Variants in NUP62 observed in about 807,000 individuals in gnomAD.
NUP62 encodes the protein nucleoporin 62.
For synonymous variants in NUP62, 305 were observed against 303.4 expected (o/e 1.01, Z -0.05); for missense variants, 647 against 689.4 (o/e 0.94, Z 0.69).
At chr19:49,918,078 CTT>C (rs559266842) in intron 2 of NUP62, among the ~76,000 whole-genome samples, 5 of 132,596 alleles carry the variant, frequency 3.8e-5, no homozygotes, top group Admixed American at 7.5e-5. Context: ...TTTCCTTTTT[CTT>C]TTTTTTTTTT....
In NUP62 at chr19:49,916,549, G is replaced by A. The variant is rs576238014; in HGVS notation, c.-77-6665C>T. 3.3e-5 allele frequency among the ~76,000 whole-genome samples: 5 copies of A among 152,040 alleles called. No individual in the cohort carries two copies. In the South Asian group the frequency reaches 6.2e-4, roughly 19 times the overall value. On this transcript the variant is annotated intron_variant, in intron 2 of 2. Coordinates refer to ENST00000352066, the MANE Select transcript of NUP62 (RefSeq NM_016553.5). ...AGCACTTTGGAAGGCCGAGGCGGGC[G>A]GATCACTAGGTCAGGAGATCCAGAC...
chr19:49,924,532 G>A (rs1003316780), intron 2 of NUP62, among the ~76,000 whole-genome samples: 2 of 152,084 alleles, frequency 1.3e-5, no homozygotes, highest in Non-Finnish European at 2.9e-5. Flanking sequence ...AGGCCCCTCC[G>A]CACCGAAAAA....
Position 49,921,714 on chromosome 19 carries a change from C to T in NUP62, c.-78+5980G>A, listed in dbSNP as rs2075769400. On this transcript the variant is annotated intron_variant, in intron 2 of 2. Transcript: ENST00000352066. This position sits in a 1 kb window ranked among gnomAD's most constrained non-coding sequence, Gnocchi z 5.4. ...GGGGCACCTAGGGAGCCTAGGGGTC[C>T]CGTGAGGCCCTCCCACCATGGTTCC... Among the ~76,000 whole-genome samples, 1 of 152,166 alleles carries T rather than the reference C, an allele frequency of 6.6e-6. No individual in the cohort carries two copies. The highest frequency in any genetic ancestry group is 2.4e-5 in the African/African-American group (1 of 41,430).
intron 2 of NUP62, among the ~76,000 whole-genome samples, chr19:49,924,073 C>T (rs746108611): frequency 2.2e-4 from 34 of 152,300 alleles, no homozygotes; most frequent in South Asian, 1.0e-3. Context: ...GAATCGATAG[C>T]GTCTGGCAAC....
At position 49,921,766 on chromosome 19, in the gene NUP62, G is replaced by A. The variant is rs1471148194; in HGVS notation, c.-78+5928C>T. On this transcript the variant is annotated intron_variant, in intron 2 of 2. Transcript: ENST00000352066. This position sits in a 1 kb window ranked among gnomAD's most constrained non-coding sequence, Gnocchi z 5.4. ...CGCCTCTGCCTCTCCCCGCAGCTCCGACCATGACCATCCATCCTATGAGTG... is the reference window on the plus strand; with the variant it reads ...CGCCTCTGCCTCTCCCCGCAGCTCCAACCATGACCATCCATCCTATGAGTG... 1.3e-5 allele frequency among the ~76,000 whole-genome samples: 2 copies of A among 152,272 alleles called. No individual in the cohort carries two copies. Among genetic ancestry groups the A allele is most frequent in the East Asian group, 1.9e-4 (1 of 5,176 alleles).
rs754991983 is a variant in NUP62, at chr19:49,907,429, C to T, written c.*810G>A. ...CTGTCTTCTGTGAAATTCTTGATCC[C>T]GCTCTGTTCTATTCACACTGTGCTG... On this transcript the variant is annotated 3_prime_UTR_variant, in exon 3 of 3. Transcript: ENST00000352066. The T allele has an allele frequency of 4.9e-6, 2 of 408,100 alleles. No individual in the cohort carries two copies. Among genetic ancestry groups the T allele is most frequent in the Non-Finnish European group, 9.4e-6 (2 of 212,874 alleles). 25.3% of individuals were successfully genotyped at this position (408,100 alleles called of 1,614,324 possible).
chr19:49,913,746 T>A (rs533603017), intron 2 of NUP62, among the ~76,000 whole-genome samples: 1 of 150,678 alleles, frequency 6.6e-6, no homozygotes, highest in African/African-American at 2.4e-5. Context: ...CTGAGCTCTG[T>A]GAGTCTTAGC....
intron 2 of NUP62, among the ~76,000 whole-genome samples, chr19:49,924,223 C>G (rs1388330054): frequency 6.6e-6 from 1 of 152,120 alleles, no homozygotes; most frequent in Non-Finnish European, 1.5e-5. Flanking sequence ...ATTTTCACAA[C>G]CCCCCTTACC....
intron 2 of NUP62, among the ~76,000 whole-genome samples, chr19:49,923,479 C>T (rs868306797): frequency 6.6e-6 from 1 of 152,222 alleles, no homozygotes; most frequent in Admixed American, 6.5e-5. Flanking sequence ...GGAGCAGTCA[C>T]GTAGGCAGAC....
rs369138922 is a variant in NUP62 at position 49,909,127 on chromosome 19, A to G, written c.681T>C (p.Thr227=). Reference sequence around the variant, plus strand: ...CAGTGGTGGCAGATGAGGTTGGAGCAGTTGCTATTGACGCAAAGAGGCTGG... The same window carrying G: ...CAGTGGTGGCAGATGAGGTTGGAGCGGTTGCTATTGACGCAAAGAGGCTGG... ...TGPSLFASIA[T]APTSSATTGL... is the part of the protein sequence containing the mutation. Residue 227 remains threonine (T), a synonymous_variant, in exon 3 of 3, where the codon ACT becomes ACC. Coordinates refer to ENST00000352066, the MANE Select transcript of NUP62 (RefSeq NM_016553.5). 6.2e-7 allele frequency: 1 copy of G among 1,612,316 alleles called. No homozygotes were observed. The highest frequency in any genetic ancestry group is 1.3e-5 in the African/African-American group (1 of 74,894).
Position 49,921,514 on chromosome 19 carries a change from C to T in NUP62, c.-78+6180G>A, listed in dbSNP as rs74575817. On this transcript the variant is annotated intron_variant, in intron 2 of 2. Transcript: ENST00000352066. This position sits in a 1 kb window ranked among gnomAD's most constrained non-coding sequence, Gnocchi z 5.4. ...CCCAGCTGCAGACGATGGCCTGAGACGCCTGCAGGGAAGAGAGGGGCGTCC... is the reference window on the plus strand; with the variant it reads ...CCCAGCTGCAGACGATGGCCTGAGATGCCTGCAGGGAAGAGAGGGGCGTCC... 4.4e-3 allele frequency among the ~76,000 whole-genome samples: 677 copies of T among 152,312 alleles called. 7 individuals carry two copies. The highest frequency in any genetic ancestry group is 0.016 in the African/African-American group (660 of 41,576).
intron 2 of NUP62, among the ~76,000 whole-genome samples, chr19:49,925,824 C>T (rs1174783394): frequency 6.6e-6 from 1 of 152,150 alleles, no homozygotes; most frequent in Non-Finnish European, 1.5e-5. Flanking sequence ...ATGGAAAAAA[C>T]CAAGTGAGGG....
At chr19:49,920,461 G>A (rs1457609634) in intron 2 of NUP62, among the ~76,000 whole-genome samples, 1 of 152,198 alleles carries the variant, frequency 6.6e-6, no homozygotes, top group African/African-American at 2.4e-5. Flanking sequence ...ACGTACTAAA[G>A]CCACTAAGTT....
rs879873471 is a variant in NUP62, at chr19:49,922,711, G to GA, written c.-78+4982dup. Among the ~76,000 whole-genome samples the GA allele has an allele frequency of 4.2e-3, 598 of 143,324 alleles. 1 individual carries two copies. Among genetic ancestry groups the GA allele is most frequent in the Non-Finnish European group, 4.5e-3 (295 of 65,006 alleles). 94.0% of individuals were successfully genotyped at this position (143,324 alleles called of 152,430 possible). A position where few individuals can be genotyped will look rare whatever the true frequency, so the allele number is the denominator to read the frequency against. On this transcript the variant is annotated intron_variant, in intron 2 of 2. Coordinates refer to ENST00000352066, the MANE Select transcript of NUP62 (RefSeq NM_016553.5). ...CTACCTTTAAAACTTGGATCTCACA[G>GA]AAAAAAAAAAAACTGGATTTCCAGC...
chr19:49,924,099 G>A (rs2075827531), intron 2 of NUP62, among the ~76,000 whole-genome samples: 2 of 152,230 alleles, frequency 1.3e-5, no homozygotes, highest in Non-Finnish European at 2.9e-5. Context: ...GCAGCAGCAG[G>A]CCTGAGGTGA....
chr19:49,926,066 A>G (rs746906465), intron 2 of NUP62, among the ~76,000 whole-genome samples: 5 of 151,984 alleles, frequency 3.3e-5, no homozygotes, highest in Non-Finnish European at 7.4e-5. Context: ...AAAATTAGCC[A>G]GGCATGATGG....
intron 2 of NUP62, among the ~76,000 whole-genome samples, chr19:49,912,324 A>G (rs2075489519): frequency 6.6e-6 from 1 of 151,896 alleles, no homozygotes; most frequent in African/African-American, 2.4e-5. Flanking sequence ...GCATGCCACC[A>G]CGCCCGGCTA....
intron 2 of NUP62, among the ~76,000 whole-genome samples, chr19:49,919,090 T>G (rs569580445): frequency 6.6e-6 from 1 of 151,100 alleles, no homozygotes; most frequent in Non-Finnish European, 1.5e-5. Context: ...GAGGCGGAGG[T>G]TGCAGTGAGC....
chr19:49,912,566 C>T (rs762077737), intron 2 of NUP62, among the ~76,000 whole-genome samples: 35 of 152,278 alleles, frequency 2.3e-4, no homozygotes, highest in Middle Eastern at 3.4e-3. Context: ...AGCCCTGATC[C>T]ACGCAGTTTA....
Sources: allele counts gnomAD v4.1 joint callset (sites outside exome capture counted in the v4.1 genomes callset), GRCh38; gene constraint gnomAD v4.1.1; non-coding constraint Gnocchi (gnomAD v3.1); transcripts MANE v1.5; gene names NCBI Gene and HGNC (gene_info 2026-07-23, HGNC 2026-07-21).